The following DGKI variants were observed in gnomAD, a reference collection of about 807,000 sequenced individuals.
DGKI encodes the protein DAG kinase iota.
DGKI carries 55 observed loss-of-function variants against 147.5 expected under a neutral mutation model. The ratio of observed to expected loss-of-function variants is 0.37; its 90% CI spans 0.30 to 0.47. The LOEUF (loss-of-function observed/expected upper bound fraction) is 0.47, where lower values mean the gene tolerates loss of function less well. DGKI is among the 20% of genes least tolerant of loss of function. The pLI is 1.00. For missense variants in DGKI, 1,007 were observed against 1,323.8 expected (o/e 0.76, Z 3.71); for synonymous variants, 469 against 477.1 (o/e 0.98, Z 0.22).
intron 28 of DGKI, among the ~76,000 whole-genome samples, chr7:137,434,342 G>A (rs1813199717): frequency 6.6e-6 from 1 of 152,162 alleles, no homozygotes; most frequent in African/African-American, 2.4e-5. Flanking sequence ...CACTTTGGGA[G>A]GCCAAGGCAG....
intron 1 of DGKI, among the ~76,000 whole-genome samples, chr7:137,708,116 A>C (rs1794098354): frequency 1.3e-5 from 2 of 152,158 alleles, no homozygotes; most frequent in African/African-American, 2.4e-5. Flanking sequence ...GTACCCCACT[A>C]AGATGTCTCT....
intron 1 of DGKI, among the ~76,000 whole-genome samples, chr7:137,790,229 C>A (rs1796808218): frequency 8.3e-6 from 1 of 120,354 alleles, no homozygotes; most frequent in Non-Finnish European, 1.7e-5. Flanking sequence ...TTGTGTATTA[C>A]CAACACACAC....
At chr7:137,538,587 C>T (rs977449423) in intron 20 of DGKI, among the ~76,000 whole-genome samples, 1 of 152,144 alleles carries the variant, frequency 6.6e-6, no homozygotes, top group Non-Finnish European at 1.5e-5. Flanking sequence ...ATTCAAAATA[C>T]ACTGGTGTCT....
chr7:137,509,064 T>A (rs1816478480), intron 21 of DGKI, among the ~76,000 whole-genome samples: 1 of 152,120 alleles, frequency 6.6e-6, no homozygotes, highest in South Asian at 2.1e-4. Flanking sequence ...GTGGAATCTT[T>A]CCTTTTATTC....
At chr7:137,424,891 C>G (rs561941125) in intron 28 of DGKI, among the ~76,000 whole-genome samples, 1 of 152,370 alleles carries the variant, frequency 6.6e-6, no homozygotes, top group Middle Eastern at 3.4e-3. Context: ...CCAGGAAGCT[C>G]GAACTGGGTG....
At chr7:137,754,776 C>A (rs1012939584) in intron 1 of DGKI, among the ~76,000 whole-genome samples, 2 of 152,156 alleles carry the variant, frequency 1.3e-5, no homozygotes, top group African/African-American at 4.8e-5. Flanking sequence ...ATGGCAGCTT[C>A]CCCTGGGTCC....
intron 1 of DGKI, among the ~76,000 whole-genome samples, chr7:137,761,734 C>T (rs562856085): frequency 6.6e-6 from 1 of 152,246 alleles, no homozygotes; most frequent in East Asian, 1.9e-4. Flanking sequence ...CTGAGTTATA[C>T]CCAAGGCTTT....
intron 20 of DGKI, among the ~76,000 whole-genome samples, chr7:137,522,250 T>A (rs1177639710): frequency 6.6e-6 from 1 of 152,104 alleles, no homozygotes; most frequent in East Asian, 1.9e-4. Context: ...AAACATTTAA[T>A]AAGATCATGT....
chr7:137,804,443 A>T (rs1797304498), intron 1 of DGKI, among the ~76,000 whole-genome samples: 1 of 152,338 alleles, frequency 6.6e-6, no homozygotes, highest in East Asian at 1.9e-4. Context: ...TCCTTCACTC[A>T]TTCCGTCCTT....
At chr7:137,545,616 TA>T (rs1487352672) in intron 20 of DGKI, among the ~76,000 whole-genome samples, 4 of 152,126 alleles carry the variant, frequency 2.6e-5, no homozygotes, top group Non-Finnish European at 5.9e-5. Context: ...GCACTTCCCA[TA>T]AAAACCAATG....
At chr7:137,595,403 T>C (rs1001186238) in intron 12 of DGKI, among the ~76,000 whole-genome samples, 7 of 152,236 alleles carry the variant, frequency 4.6e-5, no homozygotes, top group African/African-American at 1.7e-4. Context: ...CCATATTCAA[T>C]GGTAACTTTT....
At chr7:137,749,925 A>T (rs538851520) in intron 1 of DGKI, among the ~76,000 whole-genome samples, 1 of 152,254 alleles carries the variant, frequency 6.6e-6, no homozygotes, top group East Asian at 1.9e-4. Flanking sequence ...GGGATCCAGG[A>T]TATGGAGCTA....
intron 28 of DGKI, among the ~76,000 whole-genome samples, chr7:137,429,172 C>T (rs1471691316): frequency 2.6e-5 from 4 of 152,022 alleles, no homozygotes; most frequent in South Asian, 4.2e-4. Context: ...CCTACAGTAA[C>T]CAAAACAGCA....
intron 25 of DGKI, among the ~76,000 whole-genome samples, chr7:137,466,587 T>G (rs1036959921): frequency 6.6e-6 from 1 of 152,116 alleles, no homozygotes; most frequent in Non-Finnish European, 1.5e-5. Flanking sequence ...GAAATGAGCT[T>G]AAAAAGACAT....
rs541783637 is a variant in DGKI, at chr7:137,777,022, C to CA, written c.401+69439dup. ...AAACACAGCAAGACCCTGTTTCTACCAAAAAAAAAAATTTTTTTTAATTAG... is the reference window on the plus strand; with the variant it reads ...AAACACAGCAAGACCCTGTTTCTACCAAAAAAAAAAAATTTTTTTTAATTAG... On this transcript the variant is annotated intron_variant, in intron 1 of 32. Transcript: ENST00000614521. Among the ~76,000 whole-genome samples, 31 of 147,588 alleles carry CA rather than the reference C, an allele frequency of 2.1e-4. 1 individual carries two copies. The highest frequency in any genetic ancestry group is 3.9e-4 in the East Asian group (2 of 5,078).
intron 29 of DGKI, among the ~76,000 whole-genome samples, chr7:137,409,354 A>G (rs926376446): frequency 6.6e-6 from 1 of 152,228 alleles, no homozygotes; most frequent in African/African-American, 2.4e-5. Context: ...CAATTCAGTC[A>G]CTGTGCTCAA....
intron 6 of DGKI, among the ~76,000 whole-genome samples, chr7:137,626,101 G>A (rs1042480381): frequency 6.6e-6 from 1 of 152,106 alleles, no homozygotes; most frequent in African/African-American, 2.4e-5. Context: ...TTTGTGCCAT[G>A]AGCCCTTCCC....
chr7:137,527,026 G>A (rs199715298), intron 20 of DGKI, among the ~76,000 whole-genome samples: 6 of 152,210 alleles, frequency 3.9e-5, no homozygotes, highest in Middle Eastern at 3.4e-3. Flanking sequence ...AGTGATATCC[G>A]TTAATATTAA....
At chr7:137,407,071 A>T (rs1425078468) in intron 30 of DGKI, among the ~76,000 whole-genome samples, 1 of 152,178 alleles carries the variant, frequency 6.6e-6, no homozygotes, top group African/African-American at 2.4e-5. Flanking sequence ...ATCTCTCTGT[A>T]TACCAAGATC....
Sources: gnomAD v4.1 joint callset for allele counts (sites outside exome capture counted in the v4.1 genomes callset) on GRCh38, gnomAD v4.1.1 for gene constraint, MANE v1.5 for transcripts, NCBI Gene and HGNC (gene_info 2026-07-23, HGNC 2026-07-21) for gene names.